Variants in PTPRD observed in about 807,000 individuals in gnomAD.
PTPRD encodes the protein receptor-type tyrosine-protein phosphatase delta.
In PTPRD, 34 loss-of-function variants were observed where a neutral mutation model predicts 214.5. The observed-to-expected ratio is 0.16, with a 90% CI of 0.12 to 0.21. The LOEUF (loss-of-function observed/expected upper bound fraction) is 0.21. Among genes scored for constraint, PTPRD ranks in the 10% least tolerant of loss-of-function variants. The pLI is 1.00. For synonymous variants in PTPRD, 1,128 were observed against 845.7 expected, an observed-to-expected ratio of 1.33 and a Z score of -5.79; for missense variants, 2,545 against 2,398.7, an observed-to-expected ratio of 1.06 and a Z score of -1.27.
intron 34 of PTPRD, among the ~76,000 whole-genome samples, chr9:8,448,532 G>GGTCGT: frequency 6.6e-6 from 1 of 152,276 alleles, no homozygotes; most frequent in South Asian, 2.1e-4. Flanking sequence ...CCTGGAAGAT[G>GGTCGT]ACACAAGTTT....
At chr9:9,656,361 G>A (rs1246560947) in intron 7 of PTPRD, among the ~76,000 whole-genome samples, 1 of 152,134 alleles carries the variant, frequency 6.6e-6, no homozygotes, top group Non-Finnish European at 1.5e-5. Flanking sequence ...GAAACTCCAA[G>A]ATGTCCTTCA....
intron 5 of PTPRD, among the ~76,000 whole-genome samples, chr9:9,842,155 G>T (rs1238195206): frequency 6.6e-6 from 1 of 151,816 alleles, no homozygotes; most frequent in Admixed American, 6.6e-5. Flanking sequence ...AGAATATTGA[G>T]AATTTATGCT....
chr9:8,629,686 A>G (rs914681484), intron 14 of PTPRD, among the ~76,000 whole-genome samples: 3 of 151,778 alleles, frequency 2.0e-5, no homozygotes, highest in Non-Finnish European at 2.9e-5. Flanking sequence ...TCAGCCTCCT[A>G]AAGTGTTGTA....
intron 30 of PTPRD, among the ~76,000 whole-genome samples, chr9:8,477,106 G>T (rs1029601209): frequency 1.3e-5 from 2 of 149,896 alleles, no homozygotes; most frequent in African/African-American, 2.5e-5. Flanking sequence ...TGAGCTGAAA[G>T]AACTTGCTTG....
chr9:8,741,230 C>T lies in PTPRD; in HGVS notation c.-103-7284G>A, dbSNP rs1392320808. ...TAGAAAGGAAAAAAAAACCTCATCTCCCTTTGTATCTATTGTTCCCCTACA... is the reference window on the plus strand; with the variant it reads ...TAGAAAGGAAAAAAAAACCTCATCTTCCTTTGTATCTATTGTTCCCCTACA... On this transcript the variant is annotated intron_variant, in intron 11 of 45. Transcript: ENST00000381196. Among the ~76,000 whole-genome samples, 3 of 152,194 alleles carry T rather than the reference C, an allele frequency of 2.0e-5. No homozygotes were observed. In the East Asian group the frequency reaches 5.8e-4, roughly 29 times the overall value.
intron 9 of PTPRD, among the ~76,000 whole-genome samples, chr9:9,371,989 A>C (rs6477392): frequency 0.32 from 48,002 of 151,888 alleles, 7,925 homozygotes; most frequent in African/African-American, 0.34. Flanking sequence ...AGTTTGTTAT[A>C]ATTTCTGTTC....
At chr9:8,934,458 T>TAAAA (rs1567098686) in intron 11 of PTPRD, among the ~76,000 whole-genome samples, 2 of 16,472 alleles carry the variant, frequency 1.2e-4, no homozygotes, top group Non-Finnish European at 1.9e-4. Context: ...AATTTATATA[T>TAAAA]ATATAAATAT....
At chr9:8,342,691 C>T (rs1273077903) in intron 39 of PTPRD, among the ~76,000 whole-genome samples, 1 of 151,954 alleles carries the variant, frequency 6.6e-6, no homozygotes, top group East Asian at 1.9e-4. Context: ...ATTTATTGTC[C>T]ATCCCTCATT....
At chr9:10,312,773 G>C (rs919222894) in intron 3 of PTPRD, among the ~76,000 whole-genome samples, 1 of 151,690 alleles carries the variant, frequency 6.6e-6, no homozygotes, top group South Asian at 2.1e-4. Flanking sequence ...GAAATCCAAA[G>C]GTACCATTTC....
intron 11 of PTPRD, among the ~76,000 whole-genome samples, chr9:8,765,708 G>GT (rs2154479894): frequency 6.6e-6 from 1 of 152,306 alleles, no homozygotes; most frequent in South Asian, 2.1e-4. Flanking sequence ...GCTGTTTTAA[G>GT]TTGTTAAACT....
intron 5 of PTPRD, among the ~76,000 whole-genome samples, chr9:9,913,580 G>T (rs1363784514): frequency 1.3e-5 from 2 of 152,118 alleles, no homozygotes; most frequent in Non-Finnish European, 2.9e-5. Context: ...GGGCAGCACA[G>T]AGGCACCCAG....
At chr9:9,424,157 T>C (rs1470463884) in intron 8 of PTPRD, among the ~76,000 whole-genome samples, 1 of 152,202 alleles carries the variant, frequency 6.6e-6, no homozygotes, top group Admixed American at 6.5e-5. Context: ...ACATCCTAGC[T>C]CCAGAGCTGC....
intron 8 of PTPRD, among the ~76,000 whole-genome samples, chr9:9,440,863 G>A (rs1462834502): frequency 1.9e-4 from 29 of 152,176 alleles, no homozygotes; most frequent in Non-Finnish European, 1.5e-5. Context: ...GCTTTTCTGA[G>A]TTGGAGTTTA....
chr9:10,143,017 C>G (rs1564094362), intron 3 of PTPRD, among the ~76,000 whole-genome samples: 1 of 150,072 alleles, frequency 6.7e-6, no homozygotes, highest in Non-Finnish European at 1.5e-5. Context: ...AGTAAACTAT[C>G]ACAAGGACAA....
intron 4 of PTPRD, among the ~76,000 whole-genome samples, chr9:9,947,377 T>C (rs1355996828): frequency 1.6e-5 from 1 of 62,746 alleles, no homozygotes; most frequent in African/African-American, 7.3e-5. Flanking sequence ...ATATATATTA[T>C]ATATATTTTA....
intron 14 of PTPRD, among the ~76,000 whole-genome samples, chr9:8,582,295 T>G (rs1371989033): frequency 1.3e-5 from 2 of 152,188 alleles, no homozygotes; most frequent in Non-Finnish European, 2.9e-5. Context: ...GTTAAAGACG[T>G]AAATGTGAAA....
In PTPRD at chr9:9,379,196, G is replaced by GATATAT. The variant is rs61595587; in HGVS notation, c.-203+18247_-203+18252dup. Among the ~76,000 whole-genome samples the GATATAT allele has an allele frequency of 5.1e-3, 738 of 145,190 alleles. 8 individuals carry two copies. The highest frequency in any genetic ancestry group is 0.018 in the African/African-American group (697 of 39,280). On this transcript the variant is annotated intron_variant, in intron 9 of 45. Coordinates refer to ENST00000381196, the MANE Select transcript of PTPRD (RefSeq NM_002839.4). ...TGTGAAGGGCATAGGTCTATGTTGA[G>GATATAT]ATATATATATATATGATATATATTT...
intron 11 of PTPRD, among the ~76,000 whole-genome samples, chr9:8,783,342 T>C (rs377211787): frequency 6.6e-6 from 1 of 152,236 alleles, no homozygotes; most frequent in African/African-American, 2.4e-5. Flanking sequence ...TTAGTAACTT[T>C]CTGTATATCA....
chr9:10,059,516 T>C (rs540095263), intron 3 of PTPRD, among the ~76,000 whole-genome samples: 58 of 152,270 alleles, frequency 3.8e-4, no homozygotes, highest in African/African-American at 1.3e-3. Context: ...CTTTGGTATA[T>C]ATTAAAGGCT....
Sources: gnomAD v4.1 joint callset for allele counts (sites outside exome capture counted in the v4.1 genomes callset) on GRCh38, gnomAD v4.1.1 for gene constraint, MANE v1.5 for transcripts, NCBI Gene and HGNC (gene_info 2026-07-23, HGNC 2026-07-21) for gene names.